Variants in ALG14 observed in about 807,000 individuals in gnomAD.
ALG14 encodes the protein UDP-N-acetylglucosamine transferase subunit ALG14.
Under a neutral mutation model 22.8 loss-of-function variants are expected in ALG14, and 17 were observed. That is an observed-to-expected ratio of 0.75 (90% CI 0.51 to 1.12). The LOEUF (loss-of-function observed/expected upper bound fraction) is 1.12. Ranked by LOEUF, ALG14 falls within the 50% of genes most tolerant of loss-of-function variation. ALG14 has a pLI of 0.00. For synonymous variants in ALG14, 89 were observed against 103.7 expected, an observed-to-expected ratio of 0.86 and a Z score of 0.86; for missense variants, 288 against 271.8, an observed-to-expected ratio of 1.06 and a Z score of -0.42.
chr1:94,988,429 G>A (rs1021963832), intron 3 of ALG14, among the ~76,000 whole-genome samples: 25 of 152,200 alleles, frequency 1.6e-4, no homozygotes, highest in Non-Finnish European at 2.1e-4. Flanking sequence ...ACAGAGAAAA[G>A]ATCTTCAGAT....
At chr1:95,004,491 G>A (rs758876843) in intron 3 of ALG14, among the ~76,000 whole-genome samples, 8 of 151,914 alleles carry the variant, frequency 5.3e-5, no homozygotes, top group Non-Finnish European at 1.0e-4. Flanking sequence ...CAAAATGCTG[G>A]GATTACAGGT....
At chr1:95,071,067 A>T (rs9437810) in intron 1 of ALG14, among the ~76,000 whole-genome samples, 64,912 of 151,998 alleles carry the variant, frequency 0.43, 15,007 homozygotes, top group Middle Eastern at 0.55. Context: ...GATCCTATTT[A>T]ATCTCTCCTG....
intron 2 of ALG14, among the ~76,000 whole-genome samples, chr1:95,039,597 G>C (rs1017291659): frequency 1.3e-5 from 2 of 152,128 alleles, no homozygotes; most frequent in African/African-American, 4.8e-5. Context: ...GTCTTGTTTG[G>C]AGCATAATTT....
chr1:94,988,673 G>T (rs1400904260), intron 3 of ALG14, among the ~76,000 whole-genome samples: 1 of 152,202 alleles, frequency 6.6e-6, no homozygotes, highest in Non-Finnish European at 1.5e-5. Flanking sequence ...TGACCACATA[G>T]AAAAGGGTAA....
chr1:95,045,649 T>C (rs1674522338), intron 2 of ALG14, among the ~76,000 whole-genome samples: 1 of 151,398 alleles, frequency 6.6e-6, no homozygotes, highest in South Asian at 2.1e-4. Flanking sequence ...AGTATAATAG[T>C]ATACTAACAG....
intron 2 of ALG14, among the ~76,000 whole-genome samples, chr1:95,033,398 CATACAT>C (rs1225309303): frequency 1.5e-5 from 2 of 136,342 alleles, no homozygotes; most frequent in South Asian, 2.4e-4. Context: ...TACATACATA[CATACAT>C]ATATATATAT....
intron 2 of ALG14, among the ~76,000 whole-genome samples, chr1:95,028,395 C>T (rs886738034): frequency 6.6e-6 from 1 of 152,140 alleles, no homozygotes; most frequent in Non-Finnish European, 1.5e-5. Flanking sequence ...GACAGGTTCT[C>T]GCCATGTTGC....
chr1:95,011,570 C>T (rs534631171), intron 3 of ALG14, among the ~76,000 whole-genome samples: 4 of 151,984 alleles, frequency 2.6e-5, no homozygotes, highest in South Asian at 4.2e-4. Flanking sequence ...GGACTACAGG[C>T]GCCCGCCACA....
chr1:95,044,022 C>A (rs542843020), intron 2 of ALG14, among the ~76,000 whole-genome samples: 1 of 152,258 alleles, frequency 6.6e-6, no homozygotes, highest in East Asian at 1.9e-4. Flanking sequence ...CCTTGGAGAT[C>A]GGGATGCTCC....
At chr1:95,058,284 GAAAAAAAA>G (rs56748968) in intron 2 of ALG14, among the ~76,000 whole-genome samples, 86 of 20,504 alleles carry the variant, frequency 4.2e-3, no homozygotes, top group African/African-American at 0.012. Flanking sequence ...GACTCCATCT[GAAAAAAAA>G]AAAAAAAAAA....
At chr1:95,005,481 G>A (rs1334934627) in intron 3 of ALG14, among the ~76,000 whole-genome samples, 1 of 152,176 alleles carries the variant, frequency 6.6e-6, no homozygotes, top group Non-Finnish European at 1.5e-5. Flanking sequence ...TTTGTATAAT[G>A]TTATATCATT....
Position 94,983,184 on chromosome 1 carries a change from T to C in ALG14, c.543A>G (p.Leu181=). 1 of 1,614,154 alleles carries C rather than the reference T, an allele frequency of 6.2e-7. No homozygotes were observed. The highest frequency in any genetic ancestry group is 8.5e-7 in the Non-Finnish European group (1 of 1,180,022). ...YVESICRVET[L]SMSGKILFHL... ...GAAACAGAATCTTTCCGGACATGGA[T>C]AACGTTTCTACACGGCAGATGCTTT... The change falls in exon 4 of 4, where the codon TTA becomes TTG. Residue 181 remains leucine (L), a synonymous_variant. Transcript: ENST00000370205.
At chr1:95,025,070 T>C (rs536494037) in intron 3 of ALG14, among the ~76,000 whole-genome samples, 1 of 152,330 alleles carries the variant, frequency 6.6e-6, no homozygotes, top group Non-Finnish European at 1.5e-5. Context: ...ATAATAAAAC[T>C]TGCAAGTCAA....
chr1:95,020,453 T>A (rs1380839194), intron 3 of ALG14, among the ~76,000 whole-genome samples: 2 of 151,132 alleles, frequency 1.3e-5, no homozygotes, highest in Non-Finnish European at 3.0e-5. Context: ...AAATGCTAAG[T>A]GGTGGCCAGG....
intron 2 of ALG14, among the ~76,000 whole-genome samples, chr1:95,036,419 CTTTTTTTTTTT>C (rs35068075): frequency 7.0e-5 from 5 of 71,860 alleles, no homozygotes; most frequent in Admixed American, 3.7e-4. Context: ...AATTAAACCT[CTTTTTTTTTTT>C]TTTTTTTTTT....
intron 3 of ALG14, among the ~76,000 whole-genome samples, chr1:95,009,244 CAT>C (rs1168742672): frequency 6.7e-6 from 1 of 150,062 alleles, no homozygotes; most frequent in Admixed American, 6.6e-5. Flanking sequence ...TATTTATAAT[CAT>C]GTTTTATTTT....
chr1:94,992,173 T>C (rs959375585), intron 3 of ALG14, among the ~76,000 whole-genome samples: 2 of 152,182 alleles, frequency 1.3e-5, no homozygotes, highest in Non-Finnish European at 2.9e-5. Flanking sequence ...AATATAGTTA[T>C]TTATTATCAA....
chr1:95,006,766 C>G (rs1398393188), intron 3 of ALG14, among the ~76,000 whole-genome samples: 1 of 152,242 alleles, frequency 6.6e-6, no homozygotes, highest in African/African-American at 2.4e-5. Context: ...CATGATGAAT[C>G]CCTAACCTCT....
chr1:94,984,320 G>C (rs1187498731), intron 3 of ALG14, among the ~76,000 whole-genome samples: 2 of 152,102 alleles, frequency 1.3e-5, no homozygotes, highest in Non-Finnish European at 2.9e-5. Flanking sequence ...TCTTAGAGTT[G>C]GAAAGGTTCC....
Sources: allele counts gnomAD v4.1 joint callset (sites outside exome capture counted in the v4.1 genomes callset), GRCh38; gene constraint gnomAD v4.1.1; transcripts MANE v1.5; gene names NCBI Gene and HGNC (gene_info 2026-07-23, HGNC 2026-07-21).